FGF14: variants seen among roughly 807,000 people sequenced by gnomAD.
FGF14 encodes the protein fibroblast growth factor homologous factor 4.
In FGF14, 5 loss-of-function variants were observed where a neutral mutation model predicts 25.5. That is an observed-to-expected ratio of 0.20 (90% CI 0.10 to 0.41). The LOEUF is 0.41. Among genes scored for constraint, FGF14 ranks in the 10% least tolerant of loss-of-function variants. The pLI is 1.00. For synonymous variants in FGF14, 138 were observed against 118.3 expected, an observed-to-expected ratio of 1.17 and a Z score of -1.08; for missense variants, 222 against 320.1, an observed-to-expected ratio of 0.69 and a Z score of 2.34.
At chr13:102,074,176 A>G (rs2140163862) in intron 1 of FGF14, among the ~76,000 whole-genome samples, 1 of 152,174 alleles carries the variant, frequency 6.6e-6, no homozygotes, top group East Asian at 1.9e-4. Context: ...ATACCTGGCA[A>G]TTTTAAAAAA....
At chr13:102,034,889 G>T (rs1399382490) in intron 1 of FGF14, among the ~76,000 whole-genome samples, 1 of 152,024 alleles carries the variant, frequency 6.6e-6, no homozygotes, top group African/African-American at 2.4e-5. Flanking sequence ...GTAAAATTTT[G>T]AGGCTTCCAT....
At chr13:101,726,922 A>G (rs2035476836) in intron 3 of FGF14, 112 bp from the exon 4 acceptor site, 2 of 763,308 alleles carry the variant, frequency 2.6e-6, no homozygotes, top group African/African-American at 3.5e-5. Context: ...TTTGGCATGG[A>G]GGACCGGATA....
At chr13:101,726,519 G>T in intron 4 of FGF14, 93 bp downstream of exon 4, 2 of 1,195,284 alleles carry the variant, frequency 1.7e-6, no homozygotes, top group Non-Finnish European at 2.5e-6. Context: ...CCAGCACTTT[G>T]TGAAGGTTTC....
At chr13:102,172,998 T>C (rs969970909) in intron 1 of FGF14, among the ~76,000 whole-genome samples, 2 of 152,136 alleles carry the variant, frequency 1.3e-5, no homozygotes, top group African/African-American at 2.4e-5. Context: ...GGCTGTGAAG[T>C]ATCAGGATGG....
intron 1 of FGF14, among the ~76,000 whole-genome samples, chr13:102,282,031 G>A (rs1007375503): frequency 4.6e-5 from 7 of 151,224 alleles, no homozygotes; most frequent in African/African-American, 7.3e-5. Flanking sequence ...ATGCCACAGA[G>A]GCTGACCTTG....
chr13:102,003,394 T>C (rs1377386793), intron 1 of FGF14: 2 of 152,224 alleles, frequency 1.3e-5, no homozygotes, highest in East Asian at 3.9e-4. Context: ...CTTGAGGGAC[T>C]GAAATAAATT....
intron 1 of FGF14, among the ~76,000 whole-genome samples, chr13:102,188,946 G>GAGAA (rs71125054): frequency 0.015 from 1,352 of 90,902 alleles, 37 homozygotes; most frequent in Non-Finnish European, 0.021. Flanking sequence ...AAAGAAAGGA[G>GAGAA]AGAAAGAAAG....
At chr13:102,378,882 C>G (rs1216987348) in intron 1 of FGF14, among the ~76,000 whole-genome samples, 1 of 151,974 alleles carries the variant, frequency 6.6e-6, no homozygotes, top group Non-Finnish European at 1.5e-5. Flanking sequence ...AACACAGAGG[C>G]ATTTAGTGGC....
At chr13:102,010,014 A>T (rs1203200540) in intron 1 of FGF14, among the ~76,000 whole-genome samples, 1 of 152,234 alleles carries the variant, frequency 6.6e-6, no homozygotes, top group African/African-American at 2.4e-5. Context: ...TAATATACCT[A>T]GAGAAAAATG....
intron 3 of FGF14, among the ~76,000 whole-genome samples, chr13:101,740,665 C>CA (rs201293479): frequency 0.051 from 7,661 of 149,658 alleles, 215 homozygotes; most frequent in Middle Eastern, 0.065. Context: ...TATTCTTGGG[C>CA]AAAAAAAAAG....
At chr13:101,856,514 A>G (rs544145675) in intron 3 of FGF14, among the ~76,000 whole-genome samples, 17 of 152,088 alleles carry the variant, frequency 1.1e-4, no homozygotes, top group Non-Finnish European at 1.8e-4. Flanking sequence ...TTAAATGGCA[A>G]TATTTAAATA....
intron 1 of FGF14, among the ~76,000 whole-genome samples, chr13:102,244,079 C>T (rs1373895289): frequency 6.6e-6 from 1 of 152,022 alleles, no homozygotes; most frequent in African/African-American, 2.4e-5. Flanking sequence ...GTGATTCCTT[C>T]AAAGCTTCCC....
chr13:102,100,929 G>A (rs577110817), intron 1 of FGF14, among the ~76,000 whole-genome samples: 1 of 152,176 alleles, frequency 6.6e-6, no homozygotes, highest in East Asian at 1.9e-4. Flanking sequence ...GTGAAACTCT[G>A]TCTTTACAAA....
chr13:102,120,187 T>A (rs1030545968), intron 1 of FGF14, among the ~76,000 whole-genome samples: 6 of 152,012 alleles, frequency 3.9e-5, no homozygotes, highest in Non-Finnish European at 8.8e-5. Flanking sequence ...AGAGGTGTCA[T>A]GGAAAACTGC....
chr13:102,357,959 A>C (rs1388208732), intron 1 of FGF14, among the ~76,000 whole-genome samples: 5 of 152,198 alleles, frequency 3.3e-5, no homozygotes, highest in Non-Finnish European at 7.3e-5. Flanking sequence ...GTATGGGCAG[A>C]GATATCAGAA....
intron 3 of FGF14, among the ~76,000 whole-genome samples, chr13:101,852,517 G>A (rs1006028099): frequency 8.5e-5 from 13 of 152,074 alleles, no homozygotes; most frequent in African/African-American, 2.9e-4. Flanking sequence ...CACCATTTGC[G>A]TATGTGGGGC....
In FGF14 at chr13:102,400,963, GC is replaced by G. The variant is rs1191498906; in HGVS notation, c.208+507del. 6.6e-6 allele frequency among the ~76,000 whole-genome samples: 1 copy of G among 152,138 alleles called. No homozygotes were observed. The highest frequency in any genetic ancestry group is 1.5e-5 in the Non-Finnish European group (1 of 68,024). On this transcript the variant is annotated intron_variant, in intron 1 of 4. Transcript: ENST00000376131. This position sits in a 1 kb window ranked among gnomAD's most constrained non-coding sequence, Gnocchi z 4.3. The stretch of plus-strand genomic sequence containing the variant: ...GAGGGACGCGGGGGCTGACGGAGGA[GC>G]GGGGCCGCGAGGGAGGGGGCCTCTT...
intron 1 of FGF14, among the ~76,000 whole-genome samples, chr13:102,172,505 A>C (rs1459158252): frequency 1.3e-5 from 2 of 152,164 alleles, no homozygotes; most frequent in Non-Finnish European, 2.9e-5. Flanking sequence ...TCATACCTGA[A>C]TCTGAATCAG....
intron 3 of FGF14, among the ~76,000 whole-genome samples, chr13:101,734,340 C>T (rs182368073): frequency 9.9e-4 from 150 of 152,036 alleles, no homozygotes; most frequent in African/African-American, 3.4e-3. Context: ...TTTATAAAAG[C>T]AAGAAAATAG....
Sources: gnomAD v4.1 joint callset for allele counts (sites outside exome capture counted in the v4.1 genomes callset) on GRCh38, gnomAD v4.1.1 for gene constraint, Gnocchi (gnomAD v3.1) non-coding constraint, MANE v1.5 for transcripts, NCBI Gene and HGNC (gene_info 2026-07-23, HGNC 2026-07-21) for gene names.